The following ADGRV1 variants were observed in gnomAD, a reference collection of about 807,000 sequenced individuals.
ADGRV1 encodes the protein G-protein coupled receptor 98.
Under a neutral mutation model 596.2 loss-of-function variants are expected in ADGRV1, and 359 were observed. The ratio of observed to expected loss-of-function variants is 0.60; its 90% CI spans 0.55 to 0.66. The LOEUF (loss-of-function observed/expected upper bound fraction) is 0.66. ADGRV1 is among the 30% of genes least tolerant of loss of function. The probability of loss-of-function intolerance (pLI) is 0.00; values close to 1 mark genes in which losing one functional copy is unlikely to be tolerated. For synonymous variants in ADGRV1, 2,681 were observed against 2,679.2 expected, an observed-to-expected ratio of 1.00 and a Z score of -0.02; for missense variants, 7,274 against 7,575.6, an observed-to-expected ratio of 0.96 and a Z score of 1.48.
At chr5:91,025,289 G>A (rs886158756) in intron 85 of ADGRV1, among the ~76,000 whole-genome samples, 6 of 151,752 alleles carry the variant, frequency 4.0e-5, no homozygotes, top group African/African-American at 1.2e-4. Flanking sequence ...GCAAAGTCAG[G>A]AGCTAACATG....
chr5:90,856,820 A>G (rs568947457), intron 82 of ADGRV1, among the ~76,000 whole-genome samples: 4 of 152,274 alleles, frequency 2.6e-5, no homozygotes, highest in African/African-American at 9.6e-5. Context: ...AATTGTGTCT[A>G]TGTAACAGGG....
At chr5:91,147,324 A>G (rs539727311) in intron 87 of ADGRV1, among the ~76,000 whole-genome samples, 3 of 152,236 alleles carry the variant, frequency 2.0e-5, no homozygotes, top group Admixed American at 1.3e-4. Context: ...TTTTAGTAGA[A>G]TTTGAAGAAT....
At chr5:91,144,697 C>T (rs1285447083) in intron 87 of ADGRV1, among the ~76,000 whole-genome samples, 1 of 152,148 alleles carries the variant, frequency 6.6e-6, no homozygotes, top group Non-Finnish European at 1.5e-5. Context: ...AATTCCCTTC[C>T]CTGTAAGCTT....
At chr5:90,645,577 C>A (rs1426749539) in intron 15 of ADGRV1, among the ~76,000 whole-genome samples, 1 of 152,098 alleles carries the variant, frequency 6.6e-6, no homozygotes, top group Non-Finnish European at 1.5e-5. Context: ...GCTGGCTGAG[C>A]TTTAGTTACT....
intron 83 of ADGRV1, among the ~76,000 whole-genome samples, chr5:90,888,276 T>A (rs1770489160): frequency 6.6e-6 from 1 of 152,168 alleles, no homozygotes; most frequent in African/African-American, 2.4e-5. Flanking sequence ...AACTCTGTGA[T>A]AGCATAATTT....
intron 57 of ADGRV1, among the ~76,000 whole-genome samples, chr5:90,758,422 C>G (rs556915113): frequency 6.6e-6 from 1 of 152,274 alleles, no homozygotes; most frequent in Admixed American, 6.5e-5. Context: ...TTCATTGAAG[C>G]AGCCTTTCAA....
At chr5:90,936,681 C>T (rs1487631644) in intron 83 of ADGRV1, among the ~76,000 whole-genome samples, 2 of 151,626 alleles carry the variant, frequency 1.3e-5, no homozygotes, top group Non-Finnish European at 2.9e-5. Context: ...CTAAATTTAC[C>T]TTTAAGTATC....
In ADGRV1 at chr5:90,708,887, A is replaced by G; in HGVS notation, c.8802A>G (p.Ser2934=). 4 of 1,611,436 alleles carry G rather than the reference A, an allele frequency of 2.5e-6. No individual in the cohort carries two copies. Among genetic ancestry groups the G allele is most frequent in the Non-Finnish European group, 3.4e-6 (4 of 1,177,988 alleles). The change falls in exon 39 of 90, where the codon TCA becomes TCG. Residue 2934 remains serine, a synonymous_variant. Transcript: ENST00000405460. ...LTYVGLTMAA[S]TSFPPRLDSE... ...ACGTTGGACTTACCATGGCTGCTTC[A>G]ACTTCATTTCCTCCCAGACTAGGTA...
At chr5:90,680,009 G>A (rs569357240) in intron 26 of ADGRV1, among the ~76,000 whole-genome samples, 6 of 152,142 alleles carry the variant, frequency 3.9e-5, no homozygotes, top group Admixed American at 6.5e-5. Flanking sequence ...TTGTATTTTC[G>A]TTTTAAATAC....
chr5:91,040,174 A>AT (rs1432652110), intron 85 of ADGRV1, among the ~76,000 whole-genome samples: 3 of 152,092 alleles, frequency 2.0e-5, no homozygotes, highest in Non-Finnish European at 4.4e-5. Context: ...AAATGCAGCT[A>AT]TTTTTCTCTT....
At chr5:91,142,535 G>A (rs1012868642) in intron 87 of ADGRV1, among the ~76,000 whole-genome samples, 1 of 152,088 alleles carries the variant, frequency 6.6e-6, no homozygotes, top group African/African-American at 2.4e-5. Context: ...CTTGTAAAAA[G>A]GTCTCAAAAG....
At chr5:90,656,373 C>T (rs1194373343) in intron 20 of ADGRV1, among the ~76,000 whole-genome samples, 1 of 152,232 alleles carries the variant, frequency 6.6e-6, no homozygotes, top group East Asian at 1.9e-4. Context: ...CCATTAACTC[C>T]TAGGTCAGTA....
chr5:90,745,575 A>G lies in ADGRV1; in HGVS notation c.10770-16A>G. ...TTGTTGTAGTTGACTTATTTTGTATATGCTTCTTATGGTAGTTCAGGTGAA... is the reference window on the plus strand; with the variant it reads ...TTGTTGTAGTTGACTTATTTTGTATGTGCTTCTTATGGTAGTTCAGGTGAA... On this transcript the variant is annotated splice_polypyrimidine_tract_variant and intron_variant, in intron 51 of 89. Coordinates refer to ENST00000405460, the MANE Select transcript of ADGRV1 (RefSeq NM_032119.4). The G allele has an allele frequency of 6.4e-7, 1 of 1,567,546 alleles. No homozygotes were observed. Among genetic ancestry groups the G allele is most frequent in the South Asian group, 1.1e-5 (1 of 87,776 alleles).
chr5:90,897,208 A>G (rs986005564), intron 83 of ADGRV1, among the ~76,000 whole-genome samples: 2 of 152,252 alleles, frequency 1.3e-5, no homozygotes, highest in Non-Finnish European at 2.9e-5. Flanking sequence ...ACATATAAAT[A>G]TAAATATTAT....
intron 87 of ADGRV1, among the ~76,000 whole-genome samples, chr5:91,115,739 G>T (rs1266197889): frequency 1.3e-5 from 2 of 152,198 alleles, no homozygotes; most frequent in Non-Finnish European, 2.9e-5. Flanking sequence ...TTGAGGTCAG[G>T]AGCTCGAGGC....
Position 90,689,988 on chromosome 5 carries a change from G to T in ADGRV1, c.6618G>T (p.Met2206Ile), listed in dbSNP as rs1746257263. Reference protein sequence around the residue: ...ELEESFLVQLMNETTGGARLG... With the variant: ...ELEESFLVQLINETTGGARLG... The stretch of plus-strand genomic sequence containing the variant: ...AAGAATCTTTTCTTGTGCAACTGAT[G>T]AATGAAACAACAGGAGGAGCCAGAC... Residue 2206 changes from methionine to isoleucine, a missense_variant, in exon 30 of 90, where the codon ATG becomes ATT. Met to Ile is a conservative substitution (Grantham distance 10). This residue lies in a region of ADGRV1 where 3,643 missense variants were observed against 3,809.2 expected (regional missense o/e 0.96). Coordinates refer to ENST00000405460, the MANE Select transcript of ADGRV1 (RefSeq NM_032119.4). The T allele has an allele frequency of 6.2e-7, 1 of 1,608,066 alleles. No homozygotes were observed. Among genetic ancestry groups the T allele is most frequent in the Admixed American group, 1.7e-5 (1 of 59,094 alleles).
chr5:90,895,892 T>C (rs1318519331), intron 83 of ADGRV1, among the ~76,000 whole-genome samples: 1 of 152,148 alleles, frequency 6.6e-6, no homozygotes, highest in Non-Finnish European at 1.5e-5. Flanking sequence ...GTGAACTGCT[T>C]CTGTTAATTT....
intron 21 of ADGRV1, 89 bp downstream of exon 21, chr5:90,658,367 T>A (rs11958484): frequency 8.0e-7 from 1 of 1,254,670 alleles, no homozygotes; most frequent in Non-Finnish European, 1.1e-6. Flanking sequence ...TTGGTAAGAT[T>A]GGTTGCGCAT....
At chr5:90,822,716 A>G (rs1236978906) in intron 75 of ADGRV1, among the ~76,000 whole-genome samples, 2 of 152,052 alleles carry the variant, frequency 1.3e-5, no homozygotes, top group Admixed American at 6.6e-5. Flanking sequence ...AAATTACCTT[A>G]AGCAGTATGG....
Sources: allele counts gnomAD v4.1 joint callset (sites outside exome capture counted in the v4.1 genomes callset), GRCh38; gene constraint gnomAD v4.1.1; regional missense constraint gnomAD v4.1.1; transcripts MANE v1.5; gene names NCBI Gene and HGNC (gene_info 2026-07-23, HGNC 2026-07-21).